Variants in FHIT observed in about 807,000 individuals in gnomAD.
FHIT encodes bis(5'-adenosyl)-triphosphatase.
A neutral mutation model predicts 17.9 loss-of-function variants in FHIT; 19 were observed. That is an observed-to-expected ratio of 1.06 (90% CI 0.74 to 1.56). FHIT has a LOEUF of 1.56. Among genes scored for constraint, FHIT ranks in the 40% most tolerant of loss-of-function variants. FHIT has a pLI of 0.00. For missense variants in FHIT, 248 were observed against 189.2 expected, an observed-to-expected ratio of 1.31 and a Z score of -1.82; for synonymous variants, 81 against 69.7, an observed-to-expected ratio of 1.16 and a Z score of -0.81.
At chr3:60,456,259 T>G (rs996693262) in intron 5 of FHIT, among the ~76,000 whole-genome samples, 10 of 152,208 alleles carry the variant, frequency 6.6e-5, no homozygotes, top group Non-Finnish European at 1.2e-4. Flanking sequence ...ACAGAAGGGT[T>G]GCACAACTCC....
chr3:60,077,007 A>C lies in FHIT; in HGVS notation c.104-62855T>G, dbSNP rs113787810. ...AGTTGGACTGTATTTATGTGCTAAT[A>C]ATCTATTTATAAGAAATAACTGATT... On this transcript the variant is annotated intron_variant, in intron 5 of 9. Coordinates refer to ENST00000492590, the MANE Select transcript of FHIT (RefSeq NM_002012.4). Among the ~76,000 whole-genome samples the C allele has an allele frequency of 4.5e-3, 692 of 152,226 alleles. 7 individuals carry two copies. Among genetic ancestry groups the C allele is most frequent in the African/African-American group, 0.016 (653 of 41,552 alleles).
chr3:60,299,333 T>C (rs1291502547), intron 5 of FHIT, among the ~76,000 whole-genome samples: 1 of 152,142 alleles, frequency 6.6e-6, no homozygotes, highest in Non-Finnish European at 1.5e-5. Flanking sequence ...GACATCTCTG[T>C]CTATGAAGGA....
intron 3 of FHIT, among the ~76,000 whole-genome samples, chr3:60,965,054 A>T (rs1709653555): frequency 6.6e-6 from 1 of 152,020 alleles, no homozygotes. Flanking sequence ...TCTCCTCATC[A>T]CTTTCAGGTA....
At chr3:61,239,152 G>A (rs1464523823) in intron 1 of FHIT, among the ~76,000 whole-genome samples, 1 of 152,280 alleles carries the variant, frequency 6.6e-6, no homozygotes, top group East Asian at 1.9e-4. Flanking sequence ...ATGAGTGGAA[G>A]AGAGGTCTAG....
At chr3:60,479,222 T>C (rs1576728138) in intron 5 of FHIT, among the ~76,000 whole-genome samples, 1 of 152,310 alleles carries the variant, frequency 6.6e-6, no homozygotes, top group Middle Eastern at 3.4e-3. Flanking sequence ...GTTACAGTGT[T>C]ATGCAGTGAT....
At chr3:60,298,015 T>A (rs76414916) in intron 5 of FHIT, among the ~76,000 whole-genome samples, 1 of 152,010 alleles carries the variant, frequency 6.6e-6, no homozygotes, top group Non-Finnish European at 1.5e-5. Context: ...ATGCTTTACT[T>A]ATGCAGATAT....
At chr3:60,560,844 C>CACACAGAGAGAG (rs139684970) in intron 4 of FHIT, among the ~76,000 whole-genome samples, 8 of 122,350 alleles carry the variant, frequency 6.5e-5, no homozygotes, top group Middle Eastern at 4.3e-3. Flanking sequence ...CACACACACA[C>CACACAGAGAGAG]AGAGAGAGAG....
chr3:60,515,164 A>T (rs1015927743), intron 5 of FHIT, among the ~76,000 whole-genome samples: 1 of 152,138 alleles, frequency 6.6e-6, no homozygotes, highest in Admixed American at 6.5e-5. Flanking sequence ...ACAAGCCATT[A>T]TAAGAGGGTA....
chr3:61,043,266 T>C (rs2033613933), intron 2 of FHIT, among the ~76,000 whole-genome samples: 1 of 152,150 alleles, frequency 6.6e-6, no homozygotes, highest in African/African-American at 2.4e-5. Context: ...ATACAGCACT[T>C]TTCCAACTGT....
chr3:60,568,285 T>G (rs903967172), intron 4 of FHIT, among the ~76,000 whole-genome samples: 4 of 152,054 alleles, frequency 2.6e-5, no homozygotes, highest in Non-Finnish European at 4.4e-5. Flanking sequence ...CCATAAAAAA[T>G]GATGAGTTCA....
intron 3 of FHIT, among the ~76,000 whole-genome samples, chr3:60,930,241 T>C (rs1707873993): frequency 6.6e-6 from 1 of 152,130 alleles, no homozygotes; most frequent in South Asian, 2.1e-4. Flanking sequence ...ACTTAAATGT[T>C]AGACCTAAAA....
intron 8 of FHIT, among the ~76,000 whole-genome samples, chr3:59,759,194 G>C (rs1231327205): frequency 1.3e-5 from 2 of 151,990 alleles, no homozygotes; most frequent in Admixed American, 1.3e-4. Context: ...GGAAGAGTGA[G>C]AGAGAGGACT....
intron 5 of FHIT, among the ~76,000 whole-genome samples, chr3:60,237,390 T>C (rs551329903): frequency 6.0e-5 from 9 of 149,802 alleles, no homozygotes; most frequent in Non-Finnish European, 1.2e-4. Context: ...TCAAGTGAAA[T>C]ATACCAAGTG....
intron 5 of FHIT, among the ~76,000 whole-genome samples, chr3:60,208,158 G>C (rs1022166214): frequency 6.6e-6 from 1 of 152,144 alleles, no homozygotes; most frequent in Non-Finnish European, 1.5e-5. Flanking sequence ...CTGTGTACAA[G>C]AACTGCTGAC....
intron 3 of FHIT, among the ~76,000 whole-genome samples, chr3:61,025,037 A>G (rs1211469404): frequency 7.2e-6 from 1 of 138,468 alleles, no homozygotes; most frequent in Middle Eastern, 3.4e-3. Flanking sequence ...TCCACTCTCC[A>G]TTTCCAGTTA....
intron 3 of FHIT, among the ~76,000 whole-genome samples, chr3:61,019,987 G>T (rs2032326256): frequency 6.6e-6 from 1 of 152,018 alleles, no homozygotes. Context: ...TCTACATTAG[G>T]TATTTCTCCT....
chr3:60,620,024 A>C (rs541111832), intron 4 of FHIT, among the ~76,000 whole-genome samples: 3 of 152,340 alleles, frequency 2.0e-5, no homozygotes, highest in Admixed American at 6.5e-5. Context: ...TCACCAAAAA[A>C]TACATACAGA....
rs558080055 is a variant in FHIT, at chr3:60,093,568, A to T, written c.104-79416T>A. Among the ~76,000 whole-genome samples, 191 of 152,242 alleles carry T rather than the reference A, an allele frequency of 1.3e-3. 1 individual carries two copies. Among genetic ancestry groups the T allele is most frequent in the African/African-American group, 3.7e-3 (154 of 41,564 alleles). On this transcript the variant is annotated intron_variant, in intron 5 of 9. Coordinates refer to ENST00000492590, the MANE Select transcript of FHIT (RefSeq NM_002012.4). ...TGGAGGTCTTTGGTAGGAGGGGGGT[A>T]TTCTATCCAGGGATCCCCAACCGCC...
chr3:60,374,484 C>T (rs565054484), intron 5 of FHIT, among the ~76,000 whole-genome samples: 2 of 151,554 alleles, frequency 1.3e-5, no homozygotes, highest in African/African-American at 2.4e-5. Flanking sequence ...AAAAAAAACA[C>T]GTTAATGTGA....
Sources: gnomAD v4.1 joint callset for allele counts (sites outside exome capture counted in the v4.1 genomes callset) on GRCh38, gnomAD v4.1.1 for gene constraint, MANE v1.5 for transcripts, NCBI Gene and HGNC (gene_info 2026-07-23, HGNC 2026-07-21) for gene names.